The following CHRM3 variants were observed in gnomAD, a reference collection of about 807,000 sequenced individuals.
CHRM3 encodes the protein cholinergic receptor muscarinic 3.
In CHRM3, 11 loss-of-function variants were observed where a neutral mutation model predicts 41.8. The observed-to-expected ratio is 0.26, with a 90% CI of 0.17 to 0.44. The LOEUF is 0.44. Among genes scored for constraint, CHRM3 ranks in the 20% least tolerant of loss-of-function variants. The pLI, the probability that CHRM3 is intolerant of heterozygous loss-of-function variation, is 1.00. For missense variants in CHRM3, 571 were observed against 745.4 expected (o/e 0.77, Z 2.72); for synonymous variants, 297 against 301.4 (o/e 0.99, Z 0.15).
At chr1:239,672,655 G>C (rs1573230621) in intron 4 of CHRM3, among the ~76,000 whole-genome samples, 1 of 150,956 alleles carries the variant, frequency 6.6e-6, no homozygotes, top group Admixed American at 6.6e-5. Context: ...AGAAAGAATG[G>C]GAAAGGAAGG....
At chr1:239,662,073 A>C (rs1673248169) in intron 4 of CHRM3, among the ~76,000 whole-genome samples, 1 of 151,004 alleles carries the variant, frequency 6.6e-6, no homozygotes, top group Non-Finnish European at 1.5e-5. Flanking sequence ...GAGGATAAAA[A>C]CTGTTTAAGG....
chr1:239,789,833 C>G (rs1669200050), intron 5 of CHRM3, among the ~76,000 whole-genome samples: 1 of 152,142 alleles, frequency 6.6e-6, no homozygotes, highest in African/African-American at 2.4e-5. Flanking sequence ...AACCGCTTTC[C>G]CAGCCACACT....
chr1:239,446,304 T>G (rs1664152680), intron 1 of CHRM3, among the ~76,000 whole-genome samples: 1 of 152,176 alleles, frequency 6.6e-6, no homozygotes, highest in South Asian at 2.1e-4. Context: ...GCATTAGTAT[T>G]TACAATTCTC....
intron 1 of CHRM3, among the ~76,000 whole-genome samples, chr1:239,475,568 G>A (rs1666413173): frequency 6.6e-6 from 1 of 151,992 alleles, no homozygotes; most frequent in African/African-American, 2.4e-5. Context: ...ATCCTGGATG[G>A]GATCTTAGAA....
chr1:239,533,584 A>G (rs927175687), intron 2 of CHRM3, among the ~76,000 whole-genome samples: 6 of 151,162 alleles, frequency 4.0e-5, no homozygotes, highest in African/African-American at 1.2e-4. Context: ...AAAAAAAATT[A>G]CCTGTGCATG....
chr1:239,491,596 T>C (rs367928203), intron 1 of CHRM3, among the ~76,000 whole-genome samples: 2 of 152,336 alleles, frequency 1.3e-5, no homozygotes. Flanking sequence ...TGTTAGACAA[T>C]TACGTGGATT....
intron 4 of CHRM3, among the ~76,000 whole-genome samples, chr1:239,661,489 T>G (rs1045643044): frequency 4.6e-5 from 7 of 152,166 alleles, no homozygotes; most frequent in African/African-American, 1.7e-4. Flanking sequence ...ATAAAAAGAA[T>G]GAGCTGTCAT....
At chr1:239,577,250 CTTCT>C (rs944886020) in intron 3 of CHRM3, among the ~76,000 whole-genome samples, 3 of 151,990 alleles carry the variant, frequency 2.0e-5, no homozygotes, top group Non-Finnish European at 2.9e-5. Flanking sequence ...CTTTTCCTTC[CTTCT>C]TTATTTCCTT....
chr1:239,425,894 T>C (rs968351606), intron 1 of CHRM3, among the ~76,000 whole-genome samples: 1 of 152,210 alleles, frequency 6.6e-6, no homozygotes, highest in Non-Finnish European at 1.5e-5. Context: ...TATGGGTCTC[T>C]TATAAAAGCC....
intron 1 of CHRM3, among the ~76,000 whole-genome samples, chr1:239,434,422 A>ACT (rs959159981): frequency 3.9e-5 from 6 of 151,962 alleles, no homozygotes; most frequent in African/African-American, 1.4e-4. Flanking sequence ...ATTTCCCAAG[A>ACT]CTCTCTCTCT....
chr1:239,731,335 G>C (rs1041783450), intron 5 of CHRM3, among the ~76,000 whole-genome samples: 1 of 151,884 alleles, frequency 6.6e-6, no homozygotes, highest in Non-Finnish European at 1.5e-5. Context: ...GAACATAGCC[G>C]GCCTGAGGAT....
chr1:239,662,930 T>C (rs945841044), intron 4 of CHRM3, among the ~76,000 whole-genome samples: 1 of 148,378 alleles, frequency 6.7e-6, no homozygotes, highest in Admixed American at 6.8e-5. Context: ...TTCTTCTTCT[T>C]CTCCTCTTCT....
intron 5 of CHRM3, among the ~76,000 whole-genome samples, chr1:239,755,585 T>C (rs1314876413): frequency 4.6e-5 from 7 of 152,072 alleles, no homozygotes; most frequent in Non-Finnish European, 7.4e-5. Context: ...AAGGAAAGGG[T>C]ACAGAAAAAG....
chr1:239,615,826 T>C (rs576102090), intron 3 of CHRM3, among the ~76,000 whole-genome samples: 81 of 152,190 alleles, frequency 5.3e-4, no homozygotes, highest in African/African-American at 1.6e-3. Flanking sequence ...GCGGCGGGTG[T>C]TTCTTCCTAA....
chr1:239,496,514 T>TGC (rs919481721), intron 2 of CHRM3, among the ~76,000 whole-genome samples: 6 of 76,836 alleles, frequency 7.8e-5, no homozygotes, highest in African/African-American at 2.8e-4. Context: ...AATTCTAGTG[T>TGC]GTGTGTGTGT....
intron 3 of CHRM3, among the ~76,000 whole-genome samples, chr1:239,576,394 T>C (rs185844862): frequency 2.6e-5 from 4 of 152,054 alleles, no homozygotes; most frequent in East Asian, 1.9e-4. Context: ...TTACTGAAAA[T>C]TGGGAATGAG....
intron 5 of CHRM3, among the ~76,000 whole-genome samples, chr1:239,812,127 C>G (rs73127402): frequency 6.6e-6 from 1 of 152,166 alleles, no homozygotes; most frequent in South Asian, 2.1e-4. Flanking sequence ...ACACCCTCCT[C>G]CTCCCGGGCT....
intron 1 of CHRM3, among the ~76,000 whole-genome samples, chr1:239,438,307 C>T (rs1277960900): frequency 6.6e-6 from 1 of 151,692 alleles, no homozygotes; most frequent in African/African-American, 2.4e-5. Flanking sequence ...GATTTTTTTT[C>T]ATACACACAC....
intron 2 of CHRM3, among the ~76,000 whole-genome samples, chr1:239,530,965 T>C (rs1051192289): frequency 6.6e-6 from 1 of 152,056 alleles, no homozygotes; most frequent in Admixed American, 6.5e-5. Flanking sequence ...TCAATCTACA[T>C]ATTCAAGAAG....
Sources: gnomAD v4.1 joint callset for allele counts (sites outside exome capture counted in the v4.1 genomes callset) on GRCh38, gnomAD v4.1.1 for gene constraint, MANE v1.5 for transcripts, NCBI Gene and HGNC (gene_info 2026-07-23, HGNC 2026-07-21) for gene names.